CCZ1: variants seen among roughly 807,000 people sequenced by gnomAD.
CCZ1 encodes CCZ1 vacuolar protein trafficking and biogenesis associated, also known as vacuolar fusion protein CCZ1 homolog.
In CCZ1, 19 loss-of-function variants were observed where a neutral mutation model predicts 57.8. That is an observed-to-expected ratio of 0.33 (90% CI 0.23 to 0.48). CCZ1 has a LOEUF of 0.48. CCZ1 is among the 20% of genes least tolerant of loss of function. CCZ1 has a pLI of 0.99. For synonymous variants in CCZ1, 81 were observed against 167.0 expected, an observed-to-expected ratio of 0.49 and a Z score of 3.97; for missense variants, 200 against 492.0, an observed-to-expected ratio of 0.41 and a Z score of 5.61.
At chr7:5,906,522 C>T (rs916402141) in intron 7 of CCZ1, among the ~76,000 whole-genome samples, 5 of 147,900 alleles carry the variant, frequency 3.4e-5, no homozygotes, top group African/African-American at 5.0e-5. Flanking sequence ...AAGGTTTTAC[C>T]ATGTTGGCCA....
rs1359406849 is a variant in CCZ1 at position 5,904,124 on chromosome 7, C to G, written c.523-970C>G. Among the ~76,000 whole-genome samples, 3 of 102,432 alleles carry G rather than the reference C, an allele frequency of 2.9e-5. No individual in the cohort carries two copies. The Admixed American group carries it at 3.1e-4, about 11-fold the overall frequency. The allele number at this position is 102,432 out of a possible 152,430, so 67.2% of individuals were successfully genotyped here. On this transcript the variant is annotated intron_variant, in intron 6 of 14. Coordinates refer to ENST00000325974, the MANE Select transcript of CCZ1 (RefSeq NM_015622.6). ...TTTTTTTTTTTGAGACAGAATCTTA[C>G]TCTTGTCACCCAGGCTAGAGTGCAA... is the stretch of plus-strand genomic sequence containing the variant.
intron 10 of CCZ1, among the ~76,000 whole-genome samples, chr7:5,914,127 T>C (rs572800783): frequency 6.8e-6 from 1 of 147,920 alleles, no homozygotes; most frequent in East Asian, 2.3e-4. Context: ...TAGTATCCAC[T>C]AATTAGAAGA....
chr7:5,900,254 A>G (rs771285108), intron 1 of CCZ1, 30 bp from the exon 2 acceptor site: 2 of 1,353,582 alleles, frequency 1.5e-6, no homozygotes, highest in South Asian at 2.8e-5. Context: ...GTTTCTATTC[A>G]TGTTGTGCTT....
intron 7 of CCZ1, among the ~76,000 whole-genome samples, chr7:5,909,120 T>TG (rs1234094922): frequency 6.7e-6 from 1 of 148,190 alleles, no homozygotes; most frequent in African/African-American, 2.5e-5. Flanking sequence ...TTTTTTTTTT[T>TG]TATCTCAAAT....
chr7:5,899,110 C>T (rs1405414947), intron 1 of CCZ1, among the ~76,000 whole-genome samples, 191 bp downstream of exon 1: 1 of 78,370 alleles, frequency 1.3e-5, no homozygotes, highest in Non-Finnish European at 2.7e-5. Context: ...TGGAATAAAG[C>T]CCCGTCGGGT....
chr7:5,914,799 C>T (rs1386655991), intron 10 of CCZ1, among the ~76,000 whole-genome samples: 1 of 146,108 alleles, frequency 6.8e-6, no homozygotes, highest in Non-Finnish European at 1.5e-5. Context: ...TCACTTGTAC[C>T]CGCGAGGCGG....
intron 1 of CCZ1, among the ~76,000 whole-genome samples, chr7:5,899,337 G>A (rs1281976325): frequency 0.032 from 29 of 906 alleles, no homozygotes; most frequent in African/African-American, 0.078. Context: ...GGAGGGGGGT[G>A]TGTGTGTGTG....
chr7:5,910,703 T>G (rs1275863279), intron 8 of CCZ1, among the ~76,000 whole-genome samples: 1 of 42,564 alleles, frequency 2.3e-5, no homozygotes, highest in African/African-American at 1.1e-4. Flanking sequence ...TTTATGTATT[T>G]TATTTTATTT....
chr7:5,899,385 T>G (rs868026021), intron 1 of CCZ1, among the ~76,000 whole-genome samples: 17 of 109,318 alleles, frequency 1.6e-4, no homozygotes, highest in African/African-American at 4.1e-4. Context: ...GTGTGTGTGG[T>G]TTTTCTGAGG....
chr7:5,910,714 A>AT (rs374723776), intron 8 of CCZ1, among the ~76,000 whole-genome samples: 40,615 of 99,304 alleles, frequency 0.41, 6,814 homozygotes, highest in Middle Eastern at 0.57. Flanking sequence ...TATTTTATTT[A>AT]TTTATTTATT....
intron 6 of CCZ1, among the ~76,000 whole-genome samples, chr7:5,904,425 C>T (rs1431219947): frequency 6.8e-6 from 1 of 146,276 alleles, no homozygotes; most frequent in African/African-American, 2.6e-5. Flanking sequence ...GGCACAGTGG[C>T]TCATGCCTGT....
Position 5,925,869 on chromosome 7 carries a change from A to G in CCZ1, c.*182A>G. ...TTTTAGATTTTAAATATTTATGTGG[A>G]ATTAATTAAAGGTAGTTGGCTATAT... On this transcript the variant is annotated 3_prime_UTR_variant, in exon 15 of 15. Coordinates refer to ENST00000325974, the MANE Select transcript of CCZ1 (RefSeq NM_015622.6). 1.3e-6 allele frequency: 1 copy of G among 743,958 alleles called. No homozygotes were observed. The allele number at this position is 743,958 out of a possible 1,614,324, so 46.1% of individuals were successfully genotyped here. A position where few individuals can be genotyped will look rare whatever the true frequency, so the allele number is the denominator to read the frequency against.
chr7:5,924,543 CTTT>C lies in CCZ1; in HGVS notation c.1393+585_1393+587del, dbSNP rs5882076. On this transcript the variant is annotated intron_variant, in intron 14 of 14. Coordinates refer to ENST00000325974, the MANE Select transcript of CCZ1 (RefSeq NM_015622.6). ...GCCACCTTGCCCAGCCCAAAATGTC[CTTT>C]TTTAATATCCTGTGATAAAAACATA... Among the ~76,000 whole-genome samples, 5 of 124,186 alleles carry C rather than the reference CTTT, an allele frequency of 4.0e-5. No homozygotes were observed. The Admixed American group carries it at 4.1e-4, about 10-fold the overall frequency. 81.5% of individuals were successfully genotyped at this position (124,186 alleles called of 152,430 possible). A position where few individuals can be genotyped will look rare whatever the true frequency, so the allele number is the denominator to read the frequency against.
At position 5,925,698 on chromosome 7, in the gene CCZ1, C is replaced by A. The variant is rs1351611137; in HGVS notation, c.*11C>A. ...TTCTTCTTGGATTGACGGATGACGGCTCACCGAGAGCATATCTAAAAAACA... is the reference window on the plus strand; with the variant it reads ...TTCTTCTTGGATTGACGGATGACGGATCACCGAGAGCATATCTAAAAAACA... On this transcript the variant is annotated 3_prime_UTR_variant, in exon 15 of 15. Transcript: ENST00000325974. The A allele has an allele frequency of 4.4e-6, 7 of 1,592,016 alleles. No individual in the cohort carries two copies. The highest frequency in any genetic ancestry group is 1.7e-5 in the Admixed American group (1 of 59,076).
chr7:5,899,022 G>A (rs953211428), intron 1 of CCZ1, 103 bp downstream of exon 1: 17 of 216,744 alleles, frequency 7.8e-5, no homozygotes, highest in Non-Finnish European at 1.3e-4. Context: ...AGCCTGCATT[G>A]TGCCAGGTGC....
intron 10 of CCZ1, among the ~76,000 whole-genome samples, chr7:5,914,266 C>G (rs1344556103): frequency 1.4e-5 from 2 of 146,476 alleles, no homozygotes; most frequent in South Asian, 4.6e-4. Flanking sequence ...GACCCTGTGT[C>G]GACAGGAAAA....
chr7:5,900,894 G>A lies in CCZ1; in HGVS notation c.352G>A (p.Gly118Arg). The change falls in exon 4 of 15, where the codon GGA becomes AGA. Residue 118 changes from glycine to arginine, a missense_variant. Around this residue, in one of 5 missense-constraint regions of CCZ1, gnomAD observed 44 missense variants for 122.8 expected, o/e 0.36. Transcript: ENST00000325974. ...TATAATTGAAAAACAGAGTAAAGAT[G>A]GAAAACCAGTTATTGAATATCAAGA... is the stretch of plus-strand genomic sequence containing the variant. ...NPIIEKQSKD[G>R]KPVIEYQEEE... The A allele has an allele frequency of 1.4e-6, 2 of 1,455,118 alleles. No individual in the cohort carries two copies. The highest frequency in any genetic ancestry group is 9.2e-7 in the Non-Finnish European group (1 of 1,081,452). 90.1% of individuals were successfully genotyped at this position (1,455,118 alleles called of 1,614,324 possible).
At chr7:5,899,765 A>G (rs1340199196) in intron 1 of CCZ1, among the ~76,000 whole-genome samples, 1 of 151,868 alleles carries the variant, frequency 6.6e-6, no homozygotes, top group African/African-American at 2.4e-5. Flanking sequence ...CCCCATCTCC[A>G]GAAAAAGAAA....
At chr7:5,925,421 C>T (rs1230286987) in intron 14 of CCZ1, 2 of 497,094 alleles carry the variant, frequency 4.0e-6, no homozygotes, top group Non-Finnish European at 7.4e-6. Flanking sequence ...GAGCCAAGAT[C>T]ACACCACTAC....
Sources: allele counts gnomAD v4.1 joint callset (sites outside exome capture counted in the v4.1 genomes callset), GRCh38; gene constraint gnomAD v4.1.1; regional missense constraint gnomAD v4.1.1; transcripts MANE v1.5; gene names NCBI Gene and HGNC (gene_info 2026-07-23, HGNC 2026-07-21).